The following PLCH1 variants were observed in gnomAD, a reference collection of about 807,000 sequenced individuals.
PLCH1 encodes 1-phosphatidylinositol 4,5-bisphosphate phosphodiesterase eta-1.
PLCH1 carries 60 observed loss-of-function variants against 126.7 expected under a neutral mutation model. That is an observed-to-expected ratio of 0.47 (90% CI 0.38 to 0.59). The LOEUF (loss-of-function observed/expected upper bound fraction) is 0.59. Ranked by LOEUF, PLCH1 falls within the 20% of genes least tolerant of loss-of-function variation. PLCH1 has a pLI of 0.00. For missense variants in PLCH1, 1,723 were observed against 2,040.0 expected (o/e 0.84, Z 2.99); for synonymous variants, 719 against 734.9 (o/e 0.98, Z 0.35).
chr3:155,637,587 G>GA (rs751450721), intron 2 of PLCH1, among the ~76,000 whole-genome samples: 24 of 152,166 alleles, frequency 1.6e-4, no homozygotes, highest in Non-Finnish European at 3.1e-4. Flanking sequence ...TTTTGCTATG[G>GA]AAAATGCGTT....
chr3:155,545,773 A>G (rs973234420), intron 10 of PLCH1, among the ~76,000 whole-genome samples: 11 of 152,134 alleles, frequency 7.2e-5, no homozygotes, highest in East Asian at 1.9e-4. Context: ...TATAAACAGA[A>G]CCAAAGACAA....
In PLCH1 at chr3:155,609,308, T is replaced by C. The variant is rs148843296; in HGVS notation, c.80-12930A>G. On this transcript the variant is annotated intron_variant, in intron 2 of 22. Transcript: ENST00000460012. ...GAAGAGCAATAAGAATCACTGCAGT[T>C]CAACTCTCAGGAAGCCCCATCCCTG... Among the ~76,000 whole-genome samples, 1,092 of 152,174 alleles carry C rather than the reference T, an allele frequency of 7.2e-3. 7 individuals are homozygous for C. Among genetic ancestry groups the C allele is most frequent in the South Asian group, 0.021 (100 of 4,810 alleles).
chr3:155,538,947 A>AC (rs1351733248), intron 10 of PLCH1, among the ~76,000 whole-genome samples: 5 of 151,102 alleles, frequency 3.3e-5, no homozygotes, highest in Admixed American at 6.6e-5. Flanking sequence ...GGACATAACA[A>AC]AAAAAAAAGA....
chr3:155,452,688 G>A (rs1712339500), intron 21 of PLCH1, among the ~76,000 whole-genome samples: 1 of 152,028 alleles, frequency 6.6e-6, no homozygotes, highest in South Asian at 2.1e-4. Context: ...AACATTTTGG[G>A]GAGTCTAATA....
intron 21 of PLCH1, among the ~76,000 whole-genome samples, chr3:155,462,981 C>T (rs1231644196): frequency 6.6e-6 from 1 of 152,202 alleles, no homozygotes; most frequent in Non-Finnish European, 1.5e-5. Flanking sequence ...CAGAAGATCT[C>T]TCATCCTTCC....
At chr3:155,692,285 A>G (rs969674258) in intron 2 of PLCH1, among the ~76,000 whole-genome samples, 5 of 152,180 alleles carry the variant, frequency 3.3e-5, no homozygotes, top group African/African-American at 1.2e-4. Context: ...CTTTTGCCCA[A>G]ACTAGTGTAC....
chr3:155,671,734 G>A (rs1743473645), intron 2 of PLCH1, among the ~76,000 whole-genome samples: 1 of 151,930 alleles, frequency 6.6e-6, no homozygotes, highest in East Asian at 1.9e-4. Flanking sequence ...GAGGACATGG[G>A]GCAATATAAG....
At chr3:155,699,737 T>C (rs1054458410) in intron 2 of PLCH1, among the ~76,000 whole-genome samples, 16 of 152,236 alleles carry the variant, frequency 1.1e-4, no homozygotes, top group Middle Eastern at 3.4e-3. Flanking sequence ...CTCTTCATTT[T>C]TGAATATAAT....
intron 2 of PLCH1, chr3:155,675,921 A>G (rs1018802952): frequency 9.0e-6 from 7 of 778,604 alleles, no homozygotes; most frequent in African/African-American, 3.6e-5. Context: ...TTAACTAAAC[A>G]TGAAATAAAA....
chr3:155,616,346 T>C (rs573864482), intron 2 of PLCH1, among the ~76,000 whole-genome samples: 1 of 152,278 alleles, frequency 6.6e-6, no homozygotes, highest in Non-Finnish European at 1.5e-5. Flanking sequence ...AGATTAATCT[T>C]ACAAAGAAAA....
intron 6 of PLCH1, among the ~76,000 whole-genome samples, chr3:155,576,123 G>A (rs1053716288): frequency 1.3e-5 from 2 of 151,890 alleles, no homozygotes; most frequent in Non-Finnish European, 2.9e-5. Flanking sequence ...TAAAAAGGAT[G>A]GAACAAAAAA....
At chr3:155,605,230 A>G (rs28544034) in intron 2 of PLCH1, among the ~76,000 whole-genome samples, 29,972 of 152,054 alleles carry the variant, frequency 0.2, 3,725 homozygotes, top group African/African-American at 0.35. Flanking sequence ...AAAGGAGTCA[A>G]CACACTCTTA....
intron 8 of PLCH1, among the ~76,000 whole-genome samples, chr3:155,563,496 A>G (rs1577018989): frequency 6.6e-6 from 1 of 151,982 alleles, no homozygotes; most frequent in Non-Finnish European, 1.5e-5. Flanking sequence ...TACCTCTTCA[A>G]TACTGCATCC....
intron 10 of PLCH1, among the ~76,000 whole-genome samples, chr3:155,539,699 T>C (rs1723951889): frequency 6.6e-6 from 1 of 152,142 alleles, no homozygotes; most frequent in Non-Finnish European, 1.5e-5. Flanking sequence ...GAAAGATATC[T>C]ACAAGGAAAA....
chr3:155,543,038 C>G (rs959040032), intron 10 of PLCH1, among the ~76,000 whole-genome samples: 4 of 152,302 alleles, frequency 2.6e-5, no homozygotes, highest in East Asian at 1.9e-4. Flanking sequence ...GCTGGATGGA[C>G]AATGACTTTG....
At chr3:155,487,973 C>G (rs754164789) in intron 21 of PLCH1, 55 bp downstream of exon 21, 35 of 1,053,544 alleles carry the variant, frequency 3.3e-5, no homozygotes, top group Non-Finnish European at 4.7e-5. Flanking sequence ...TAATCAGTAG[C>G]ATTGTTAAGG....
chr3:155,603,151 CAAA>C (rs766671212), intron 2 of PLCH1, among the ~76,000 whole-genome samples: 28 of 108,742 alleles, frequency 2.6e-4, no homozygotes, highest in Non-Finnish European at 4.9e-4. Flanking sequence ...ACAACAACAA[CAAA>C]AAAAAAAGTC....
At chr3:155,639,445 A>G (rs1315092853) in intron 2 of PLCH1, among the ~76,000 whole-genome samples, 1 of 152,172 alleles carries the variant, frequency 6.6e-6, no homozygotes, top group Non-Finnish European at 1.5e-5. Context: ...TGGGCTACAG[A>G]GCAAAACCCT....
chr3:155,513,891 AGGCACAT>A (rs1341416170), intron 12 of PLCH1, among the ~76,000 whole-genome samples: 5 of 152,204 alleles, frequency 3.3e-5, no homozygotes, highest in Admixed American at 6.5e-5. Context: ...GCTTGGGGGT[AGGCACAT>A]GAACTAGGTT....
Sources: gnomAD v4.1 joint callset for allele counts (sites outside exome capture counted in the v4.1 genomes callset) on GRCh38, gnomAD v4.1.1 for gene constraint, MANE v1.5 for transcripts, NCBI Gene and HGNC (gene_info 2026-07-23, HGNC 2026-07-21) for gene names.